NPHP1: variants seen among roughly 807,000 people sequenced by gnomAD.
NPHP1 encodes nephrocystin 1.
A neutral mutation model predicts 90.4 loss-of-function variants in NPHP1; 70 were observed. The ratio of observed to expected loss-of-function variants is 0.77; its 90% CI spans 0.64 to 0.95. The LOEUF (loss-of-function observed/expected upper bound fraction) is 0.95, where lower values mean the gene tolerates loss of function less well. NPHP1 is among the 40% of genes least tolerant of loss of function. The pLI is 0.00. For synonymous variants in NPHP1, 256 were observed against 271.7 expected (o/e 0.94, Z 0.57); for missense variants, 764 against 795.9 (o/e 0.96, Z 0.48).
intron 18 of NPHP1, 24 bp from the exon 19 acceptor site, chr2:110,125,705 T>C: frequency 6.2e-7 from 1 of 1,606,678 alleles, no homozygotes; most frequent in South Asian, 1.1e-5. Flanking sequence ...AGAAATATTA[T>C]GTTAGTCCAA....
rs1309387763 is a variant in NPHP1 at position 110,204,994 on chromosome 2, C to T, written c.-26G>A. The T allele has an allele frequency of 6.8e-6, 11 of 1,613,048 alleles. No homozygotes were observed. Among genetic ancestry groups the T allele is most frequent in the East Asian group, 2.2e-5 (1 of 44,862 alleles). ...CTCCCTGGCTGCGGTGCTCTGATTG[C>T]TCCAGTTGCCAGGGAAACCAACCGG... On this transcript the variant is annotated 5_prime_UTR_variant, in exon 1 of 20. Transcript: ENST00000445609.
chr2:110,139,543 C>T (rs1181140906), intron 16 of NPHP1, among the ~76,000 whole-genome samples: 2 of 152,194 alleles, frequency 1.3e-5, no homozygotes, highest in Non-Finnish European at 2.9e-5. Context: ...CACATTTTCA[C>T]AGGATTCCTG....
At chr2:110,197,555 C>T (rs1243856859) in intron 2 of NPHP1, among the ~76,000 whole-genome samples, 1 of 152,066 alleles carries the variant, frequency 6.6e-6, no homozygotes, top group Non-Finnish European at 1.5e-5. Context: ...GGATTGCCTC[C>T]CATTTTATCC....
chr2:110,201,112 T>A (rs1159375189), intron 2 of NPHP1, among the ~76,000 whole-genome samples: 2 of 152,086 alleles, frequency 1.3e-5, no homozygotes, highest in Non-Finnish European at 2.9e-5. Flanking sequence ...AAAGTTGACA[T>A]CCCAATGAAG....
At chr2:110,127,722 T>C (rs1472339025) in intron 18 of NPHP1, 1 of 152,122 alleles carries the variant, frequency 6.6e-6, no homozygotes, top group Non-Finnish European at 1.5e-5. Context: ...CTGAGCTCCA[T>C]GGCCGGCCAA....
Position 110,189,340 on chromosome 2 carries a change from C to T in NPHP1, c.144-9656G>A, listed in dbSNP as rs528756194. On this transcript the variant is annotated intron_variant, in intron 2 of 19. Transcript: ENST00000445609. ...CGGATGTGTTTGGAGTTTCTTCCTT[C>T]TGGTGGGTTCGTGGTCTCGCTGGCT... 2.6e-5 allele frequency among the ~76,000 whole-genome samples: 4 copies of T among 152,148 alleles called. 1 individual carries two copies. In the South Asian group the frequency reaches 8.3e-4, roughly 32 times the overall value.
chr2:110,184,425 G>T, intron 2 of NPHP1: 1 of 644,686 alleles, frequency 1.6e-6, no homozygotes. Flanking sequence ...CCAGGAATGA[G>T]CTGCCAACGT....
intron 2 of NPHP1, chr2:110,184,953 C>A: frequency 1.5e-6 from 1 of 664,408 alleles, no homozygotes; most frequent in Non-Finnish European, 2.9e-6. Flanking sequence ...CTGCAGTTCA[C>A]ACTTTTCTCC....
At chr2:110,151,756 C>T (rs1342528629) in intron 11 of NPHP1, among the ~76,000 whole-genome samples, 1 of 152,078 alleles carries the variant, frequency 6.6e-6, no homozygotes, top group East Asian at 1.9e-4. Flanking sequence ...ATAATTACTA[C>T]CTTGTGATTA....
chr2:110,200,485 C>T (rs1046948984), intron 2 of NPHP1, among the ~76,000 whole-genome samples: 1 of 151,946 alleles, frequency 6.6e-6, no homozygotes, highest in Non-Finnish European at 1.5e-5. Flanking sequence ...ATCGCTTGAA[C>T]CTGGGAGGTG....
At chr2:110,139,807 G>A (rs1680497557) in intron 16 of NPHP1, among the ~76,000 whole-genome samples, 1 of 152,148 alleles carries the variant, frequency 6.6e-6, no homozygotes, top group South Asian at 2.1e-4. Context: ...GATAGAGGCG[G>A]GGCGTGCCTT....
At chr2:110,184,398 T>G in intron 2 of NPHP1, 4 of 622,772 alleles carry the variant, frequency 6.4e-6, no homozygotes, top group Middle Eastern at 5.5e-4. Flanking sequence ...TGAGGCACCT[T>G]TAAACCCACA....
intron 11 of NPHP1, among the ~76,000 whole-genome samples, chr2:110,155,339 G>A (rs1681809034): frequency 6.6e-6 from 1 of 152,166 alleles, no homozygotes; most frequent in South Asian, 2.1e-4. Context: ...CTAGGGAAGT[G>A]CGAAAGGGAA....
At chr2:110,157,614 G>A (rs190558545) in intron 11 of NPHP1, among the ~76,000 whole-genome samples, 1 of 152,074 alleles carries the variant, frequency 6.6e-6, no homozygotes, top group Admixed American at 6.5e-5. Context: ...GGAAGTCAGA[G>A]ACTAGGTGTC....
At chr2:110,169,335 C>A (rs1682949200) in intron 5 of NPHP1, among the ~76,000 whole-genome samples, 1 of 152,086 alleles carries the variant, frequency 6.6e-6, no homozygotes, top group African/African-American at 2.4e-5. Context: ...GCAGAAAACA[C>A]AGGCTCAAAA....
intron 16 of NPHP1, 27 bp from the exon 17 acceptor site, chr2:110,131,818 A>T (rs776736457): frequency 7.5e-7 from 1 of 1,333,924 alleles, no homozygotes; most frequent in South Asian, 1.2e-5. Context: ...AAATGTATTC[A>T]TTAGACAATC....
intron 6 of NPHP1, among the ~76,000 whole-genome samples, chr2:110,167,566 C>T (rs913223051): frequency 2.0e-5 from 3 of 152,098 alleles, no homozygotes; most frequent in Non-Finnish European, 2.9e-5. Flanking sequence ...CACTCTATGG[C>T]TGTTCCTGAG....
chr2:110,195,906 T>G (rs375169704), intron 2 of NPHP1, among the ~76,000 whole-genome samples: 3 of 151,998 alleles, frequency 2.0e-5, no homozygotes, highest in Non-Finnish European at 4.4e-5. Flanking sequence ...AATGGGGAAA[T>G]GATTCCCTAT....
intron 2 of NPHP1, among the ~76,000 whole-genome samples, chr2:110,186,447 G>A (rs1684289338): frequency 6.6e-6 from 1 of 152,102 alleles, no homozygotes; most frequent in Admixed American, 6.5e-5. Context: ...GACCTGCTTG[G>A]TTAAGGAGGG....
Sources: allele counts gnomAD v4.1 joint callset (sites outside exome capture counted in the v4.1 genomes callset), GRCh38; gene constraint gnomAD v4.1.1; transcripts MANE v1.5; gene names NCBI Gene and HGNC (gene_info 2026-07-23, HGNC 2026-07-21).